Variants in KRT37 observed in about 807,000 individuals in gnomAD.
The protein encoded by KRT37 is keratin 37.
KRT37 carries 38 observed loss-of-function variants against 41.9 expected under a neutral mutation model. The observed-to-expected ratio is 0.91, with a 90% confidence interval of 0.70 to 1.19. KRT37 has a LOEUF of 1.19. Ranked by LOEUF, KRT37 falls within the 50% of genes most tolerant of loss-of-function variation. KRT37 has a pLI of 0.00. For synonymous variants in KRT37, 252 were observed against 243.4 expected, an observed-to-expected ratio of 1.04 and a Z score of -0.33; for missense variants, 580 against 575.5, an observed-to-expected ratio of 1.01 and a Z score of -0.08.
Position 41,420,936 on chromosome 17 carries a change from C to A in KRT37, c.1292G>T (p.Ser431Ile), listed in dbSNP as rs138529350. Residue 431 changes from serine to isoleucine, a missense_variant, in exon 7 of 7, where the codon AGC becomes ATC. Physicochemically the swap from Ser to Ile is moderately radical, Grantham distance 142. Coordinates refer to ENST00000225550, the MANE Select transcript of KRT37 (RefSeq NM_003770.5). ...STPASCTSCP[S>I]CGPVTGGSPS... ...AGACCCACCGGTGACAGGGCCACAG[C>A]TTGGACAAGAAGTACAGGAGGCAGG... is the stretch of plus-strand genomic sequence containing the variant. 404 of 1,614,062 alleles carry A rather than the reference C, an allele frequency of 2.5e-4. No homozygotes were observed. Among genetic ancestry groups the A allele is most frequent in the Middle Eastern group, 1.3e-3 (8 of 6,062 alleles).
rs369515531 is a variant in KRT37, at chr17:41,424,348, G to T, written c.176C>A (p.Ser59Ter). The T allele has an allele frequency of 9.9e-6, 16 of 1,614,092 alleles. No individual in the cohort carries two copies. The South Asian group carries it at 1.6e-4, about 17-fold the overall frequency. The change falls in exon 1 of 7, where the codon TCG becomes TAG. Residue 59 changes from serine to a stop codon, truncating the protein, a stop_gained. Transcript: ENST00000225550. LOFTEE classifies it high-confidence loss of function. ...GAGGCTGGGGCGGCCCAGGGGAGTC[G>T]ACCCCACACGGACTCTGTTGGCGTG... is the stretch of plus-strand genomic sequence containing the variant. ...VAHANRVRVG[S>*]TPLGRPSLCL... is the part of the protein sequence containing the mutation.
intron 6 of KRT37, 47 bp downstream of exon 6, chr17:41,421,320 C>A: frequency 6.3e-7 from 1 of 1,589,994 alleles, no homozygotes; most frequent in Non-Finnish European, 8.6e-7. Flanking sequence ...TGAGGAATTG[C>A]CTGACAGTCA....
In KRT37 at chr17:41,424,307, T is replaced by A. The variant is rs9916475; in HGVS notation, c.217A>T (p.Ser73Cys). The A allele has an allele frequency of 0.46, 746,094 of 1,613,580 alleles. 177,324 individuals are homozygous for A. Among genetic ancestry groups the A allele is most frequent in the South Asian group, 0.57 (52,206 of 91,066 alleles). Residue 73 changes from serine (S) to cysteine (C), a missense_variant, in exon 1 of 7, where the codon AGT becomes TGT. Transcript: ENST00000225550. ...GRPSLCLPPT[S>C]HTACPLPGTC... Reference sequence around the variant, plus strand: ...CCTGGCAAGGGACAAGCAGTGTGACTGGTTGGGGGCAGACAGAGGCTGGGG... The same window carrying A: ...CCTGGCAAGGGACAAGCAGTGTGACAGGTTGGGGGCAGACAGAGGCTGGGG...
chr17:41,422,220 C>T, intron 4 of KRT37, 26 bp from the exon 5 acceptor site: 1 of 1,614,020 alleles, frequency 6.2e-7, no homozygotes, highest in South Asian at 1.1e-5. Context: ...ACACAGTCAC[C>T]TCCCTGCTCA....
At position 41,422,951 on chromosome 17, in the gene KRT37, C is replaced by T. The variant is rs1474459728; in HGVS notation, c.576-17G>A. 6.2e-7 allele frequency: 1 copy of T among 1,606,346 alleles called. No homozygotes were observed. Among genetic ancestry groups the T allele is most frequent in the East Asian group, 2.2e-5 (1 of 44,792 alleles). The stretch of plus-strand genomic sequence containing the variant: ...CTCTCCAGCCTTCCGTCACAGGAGG[C>T]ACAGGGTCAAAAAGAATGCCCCAAT... On this transcript the variant is annotated splice_polypyrimidine_tract_variant and intron_variant, in intron 2 of 6. Transcript: ENST00000225550.
intron 4 of KRT37, 32 bp downstream of exon 4, chr17:41,422,241 A>G (rs772471191): frequency 1.9e-6 from 3 of 1,613,750 alleles, no homozygotes; most frequent in Non-Finnish European, 1.7e-6. Flanking sequence ...GATGGAGGCC[A>G]GGTACTCCCT....
In KRT37 at chr17:41,421,551, C is replaced by A; in HGVS notation, c.1057G>T (p.Asp353Tyr). The A allele has an allele frequency of 6.2e-7, 1 of 1,614,218 alleles. No individual in the cohort carries two copies. The highest frequency in any genetic ancestry group is 1.1e-5 in the South Asian group (1 of 91,088). ...CLQNSLCEAEDRYGTELAQMQ... is the reference protein window; with the variant it reads ...CLQNSLCEAEYRYGTELAQMQ... ...TGGGCCAGCTCTGTGCCGTAGCGGT[C>A]CTCCGCTTCACACAGGGAGTTCTGC... Residue 353 changes from aspartate (D) to tyrosine (Y), a missense_variant, in exon 6 of 7, where the codon GAC becomes TAC. Asp to Tyr is a radical substitution (Grantham distance 160). Coordinates refer to ENST00000225550, the MANE Select transcript of KRT37 (RefSeq NM_003770.5).
In KRT37 at chr17:41,424,505, T is replaced by C; in HGVS notation, c.19A>G (p.Thr7Ala). The C allele has an allele frequency of 1.9e-6, 3 of 1,584,034 alleles. No individual in the cohort carries two copies. The highest frequency in any genetic ancestry group is 2.6e-6 in the Non-Finnish European group (3 of 1,161,220). Residue 7 changes from threonine to alanine, a missense_variant, in exon 1 of 7, where the codon ACC (threonine) becomes GCC (alanine). Physicochemically the swap from Thr to Ala is moderately conservative, Grantham distance 58. Coordinates refer to ENST00000225550, the MANE Select transcript of KRT37 (RefSeq NM_003770.5). ...GTGCAACCCAGAGGGCATGAGGAGG[T>C]GCTGTAGAAGGAGGTCATGGTGTAG... MTSFYS[T>A]SSCPLGCTMA...
At position 41,420,835 on chromosome 17, in the gene KRT37, C is replaced by T. The variant is rs2018529100; in HGVS notation, c.*43G>A. ...TGGGCAAGGTGAGGGCACTCCTGAC[C>T]CCAGTGCAACCAGCCTCAATCTCCT... On this transcript the variant is annotated 3_prime_UTR_variant, in exon 7 of 7. Coordinates refer to ENST00000225550, the MANE Select transcript of KRT37 (RefSeq NM_003770.5). The T allele has an allele frequency of 7.2e-7, 1 of 1,381,554 alleles. No homozygotes were observed. Among genetic ancestry groups the T allele is most frequent in the Non-Finnish European group, 1.0e-6 (1 of 972,906 alleles). The allele number at this position is 1,381,554 out of a possible 1,614,324, so 85.6% of individuals were successfully genotyped here. A position where few individuals can be genotyped will look rare whatever the true frequency, so the allele number is the denominator to read the frequency against.
At position 41,422,411 on chromosome 17, in the gene KRT37, C is replaced by A. The variant is rs781418520; in HGVS notation, c.756G>T (p.Gln252His). The A allele has an allele frequency of 6.2e-7, 1 of 1,614,204 alleles. No homozygotes were observed. Among genetic ancestry groups the A allele is most frequent in the Non-Finnish European group, 8.5e-7 (1 of 1,180,030 alleles). The stretch of plus-strand genomic sequence containing the variant: ...GCTCGATCCGGAACTTCTCCCCCAG[C>A]TGACTCCTCAGAATCTTTACTTCCT... ...HEQEVKILRS[Q>H]LGEKFRIELD... The change falls in exon 4 of 7, where the codon CAG becomes CAT. Residue 252 changes from glutamine to histidine, a missense_variant. Physicochemically the swap from Gln to His is conservative, Grantham distance 24 (BLOSUM62 0). Coordinates refer to ENST00000225550, the MANE Select transcript of KRT37 (RefSeq NM_003770.5).
chr17:41,423,706 G>T, intron 2 of KRT37, 56 bp downstream of exon 2: 1 of 1,510,578 alleles, frequency 6.6e-7, no homozygotes, highest in Non-Finnish European at 9.2e-7. Flanking sequence ...AATGGGGCGG[G>T]CCCTTGGAAA....
At position 41,424,363 on chromosome 17, in the gene KRT37, C is replaced by T. The variant is rs1438193779; in HGVS notation, c.161G>A (p.Arg54Lys). 5.0e-6 allele frequency: 8 copies of T among 1,613,948 alleles called. No homozygotes were observed. The highest frequency in any genetic ancestry group is 5.9e-6 in the Non-Finnish European group (7 of 1,179,960). The part of the protein sequence containing the change: ...CLLANVAHAN[R>K]VRVGSTPLGR... Reference sequence around the variant, plus strand: ...CAGGGGAGTCGACCCCACACGGACTCTGTTGGCGTGTGCCACGTTGGCCAA... The same window carrying T: ...CAGGGGAGTCGACCCCACACGGACTTTGTTGGCGTGTGCCACGTTGGCCAA... Residue 54 changes from arginine (R) to lysine (K), a missense_variant, in exon 1 of 7, where the codon AGA becomes AAA. Physicochemically the swap from Arg to Lys is conservative, Grantham distance 26. Coordinates refer to ENST00000225550, the MANE Select transcript of KRT37 (RefSeq NM_003770.5).
Position 41,420,916 on chromosome 17 carries a change from C to T in KRT37, c.1312G>A (p.Gly438Arg). The change falls in exon 7 of 7, where the codon GGG becomes AGG. Residue 438 changes from glycine (G) to arginine (R), a missense_variant. Coordinates refer to ENST00000225550, the MANE Select transcript of KRT37 (RefSeq NM_003770.5). Reference protein sequence around the residue: ...SCPSCGPVTGGSPSGHGASMG... With the variant: ...SCPSCGPVTGRSPSGHGASMG... ...CTGGCTCCATGGCCAGAGGGAGACC[C>T]ACCGGTGACAGGGCCACAGCTTGGA... The T allele has an allele frequency of 6.2e-7, 1 of 1,614,044 alleles. No individual in the cohort carries two copies. Among genetic ancestry groups the T allele is most frequent in the African/African-American group, 1.3e-5 (1 of 75,050 alleles).
intron 6 of KRT37, 47 bp from the exon 7 acceptor site, chr17:41,421,033 T>C (rs766100176): frequency 2.1e-6 from 3 of 1,458,272 alleles, no homozygotes; most frequent in East Asian, 2.3e-5. Context: ...GTCTCAGTGA[T>C]TGATGGACAA....
Position 41,424,524 on chromosome 17 carries a change from G to T in KRT37, c.-1C>A. The T allele has an allele frequency of 6.4e-7, 1 of 1,566,624 alleles. No individual in the cohort carries two copies. The highest frequency in any genetic ancestry group is 8.7e-7 in the Non-Finnish European group (1 of 1,152,586). On this transcript the variant is annotated 5_prime_UTR_variant, in exon 1 of 7. Coordinates refer to ENST00000225550, the MANE Select transcript of KRT37 (RefSeq NM_003770.5). ...AGGAGGTGCTGTAGAAGGAGGTCAT[G>T]GTGTAGGGCTGAGGCTGCACAGGAG...
intron 3 of KRT37, 105 bp downstream of exon 3, chr17:41,422,673 C>T (rs2018557375): frequency 1.3e-5 from 17 of 1,325,416 alleles, no homozygotes; most frequent in Non-Finnish European, 1.7e-5. Flanking sequence ...AGCCCTGCAT[C>T]CTTAGGCCAG....
At chr17:41,421,763 A>T (rs996245242) in intron 5 of KRT37, among the ~76,000 whole-genome samples, 176 bp from the exon 6 acceptor site, 1 of 152,158 alleles carries the variant, frequency 6.6e-6, no homozygotes, top group Admixed American at 6.5e-5. Context: ...CACAAATCTA[A>T]CTTAAGGAAC....
chr17:41,421,465 C>T lies in KRT37; in HGVS notation c.1143G>A (p.Glu381=), dbSNP rs1422587579. Residue 381 remains glutamate (E), a synonymous_variant, in exon 6 of 7, where the codon GAG becomes GAA. Coordinates refer to ENST00000225550, the MANE Select transcript of KRT37 (RefSeq NM_003770.5). The part of the protein sequence containing the change: ...EQLSEIRADL[E]RQNQEYQVLL... Reference sequence around the variant, plus strand: ...GCACCTGGTACTCCTGGTTCTGCCGCTCCAGGTCGGCCCGGATCTCAGACA... The same window carrying T: ...GCACCTGGTACTCCTGGTTCTGCCGTTCCAGGTCGGCCCGGATCTCAGACA... The T allele has an allele frequency of 5.0e-6, 8 of 1,614,112 alleles. No individual in the cohort carries two copies. In the African/African-American group the frequency reaches 6.7e-5, roughly 13 times the overall value.
At position 41,422,945 on chromosome 17, in the gene KRT37, A is replaced by T; in HGVS notation, c.576-11T>A. On this transcript the variant is annotated splice_polypyrimidine_tract_variant and intron_variant, in intron 2 of 6. Coordinates refer to ENST00000225550, the MANE Select transcript of KRT37 (RefSeq NM_003770.5). ...CGCTCACTCTCCAGCCTTCCGTCAC[A>T]GGAGGCACAGGGTCAAAAAGAATGC... 2.5e-6 allele frequency: 4 copies of T among 1,608,624 alleles called. No individual in the cohort carries two copies. Among genetic ancestry groups the T allele is most frequent in the Non-Finnish European group, 2.5e-6 (3 of 1,176,866 alleles).
Sources: allele counts gnomAD v4.1 joint callset (sites outside exome capture counted in the v4.1 genomes callset), GRCh38; gene constraint gnomAD v4.1.1; transcripts MANE v1.5; gene names NCBI Gene and HGNC (gene_info 2026-07-23, HGNC 2026-07-21).